SRRM4: variants seen among roughly 807,000 people sequenced by gnomAD.
SRRM4 encodes serine/arginine repetitive matrix 4.
A neutral mutation model predicts 68.9 loss-of-function variants in SRRM4; 33 were observed. The ratio of observed to expected loss-of-function variants is 0.48; its 90% CI spans 0.36 to 0.64. The LOEUF (loss-of-function observed/expected upper bound fraction) is 0.64. SRRM4 is among the 30% of genes least tolerant of loss of function. The pLI, the probability that SRRM4 is intolerant of heterozygous loss-of-function variation, is 0.00. For synonymous variants in SRRM4, 318 were observed against 318.8 expected, an observed-to-expected ratio of 1.00 and a Z score of 0.03; for missense variants, 817 against 827.1, an observed-to-expected ratio of 0.99 and a Z score of 0.15.
intron 8 of SRRM4, among the ~76,000 whole-genome samples, chr12:119,132,679 A>G (rs1444111336): frequency 6.6e-6 from 1 of 152,120 alleles, no homozygotes; most frequent in Non-Finnish European, 1.5e-5. Flanking sequence ...TTGAGGTGCA[A>G]TGCCTCACTG....
chr12:119,074,962 A>G (rs531071730), intron 1 of SRRM4, among the ~76,000 whole-genome samples: 1 of 152,288 alleles, frequency 6.6e-6, no homozygotes, highest in Admixed American at 6.5e-5. Context: ...TGGAAGAGAA[A>G]ATCTATGAGG....
chr12:119,118,056 C>T (rs1456004623), intron 4 of SRRM4, among the ~76,000 whole-genome samples: 1 of 152,154 alleles, frequency 6.6e-6, no homozygotes, highest in Non-Finnish European at 1.5e-5. Context: ...GTCAGAAGGT[C>T]TGTCTTCTCT....
At chr12:118,995,672 A>C (rs1953344528) in intron 1 of SRRM4, among the ~76,000 whole-genome samples, 1 of 152,196 alleles carries the variant, frequency 6.6e-6, no homozygotes, top group Non-Finnish European at 1.5e-5. Context: ...TGGGACTTCT[A>C]ACTGCAACGC....
At position 119,130,796 on chromosome 12, in the gene SRRM4, C is replaced by G. The variant is rs770735386; in HGVS notation, c.733C>G (p.Pro245Ala). The G allele has an allele frequency of 6.2e-7, 1 of 1,608,188 alleles. No individual in the cohort carries two copies. The highest frequency in any genetic ancestry group is 1.1e-5 in the South Asian group (1 of 90,908). Reference protein sequence around the residue: ...EAQSSRPPSQPLQMLGYLSAR... With the variant: ...EAQSSRPPSQALQMLGYLSAR... ...CCAGTCCAGTCGCCCGCCCAGTCAACCCCTCCAGATGCTTGGCTACCTGTC... is the reference window on the plus strand; with the variant it reads ...CCAGTCCAGTCGCCCGCCCAGTCAAGCCCTCCAGATGCTTGGCTACCTGTC... The change falls in exon 8 of 13, where the codon CCC becomes GCC. Residue 245 changes from proline (P) to alanine (A), a missense_variant. Coordinates refer to ENST00000267260, the MANE Select transcript of SRRM4 (RefSeq NM_194286.4).
At position 119,156,479 on chromosome 12, in the gene SRRM4, T is replaced by C. The variant is rs773816165; in HGVS notation, c.1533-16T>C. ...GAGGGGCCGGCCCTCATCCCTCCTCTCTCTGGTCTCTGCAGTGCCCGGAAA... is the reference window on the plus strand; with the variant it reads ...GAGGGGCCGGCCCTCATCCCTCCTCCCTCTGGTCTCTGCAGTGCCCGGAAA... On this transcript the variant is annotated splice_polypyrimidine_tract_variant and intron_variant, in intron 12 of 12. Coordinates refer to ENST00000267260, the MANE Select transcript of SRRM4 (RefSeq NM_194286.4). 5.7e-6 allele frequency: 9 copies of C among 1,579,242 alleles called. No individual in the cohort carries two copies. In the Admixed American group the frequency reaches 1.2e-4, roughly 21 times the overall value.
intron 1 of SRRM4, among the ~76,000 whole-genome samples, chr12:119,092,543 T>A (rs1427081418): frequency 6.6e-6 from 1 of 152,206 alleles, no homozygotes; most frequent in East Asian, 1.9e-4. Context: ...CCTTGGCCCC[T>A]CTCTTTCACA....
At chr12:119,127,808 C>T (rs1361410319) in intron 7 of SRRM4, among the ~76,000 whole-genome samples, 2 of 151,894 alleles carry the variant, frequency 1.3e-5, no homozygotes, top group Non-Finnish European at 2.9e-5. Flanking sequence ...AAAGAGGAGG[C>T]AGGAGAGGAA....
rs553792231 is a variant in SRRM4, at chr12:119,031,714, T to C, written c.131+49701T>C. 1.8e-4 allele frequency among the ~76,000 whole-genome samples: 27 copies of C among 152,308 alleles called. No homozygotes were observed. The South Asian group carries it at 3.3e-3, about 19-fold the overall frequency. ...TTTCAATTTGATAGGAAAACCATGA[T>C]ATCCTGTTTTTATTTGCATTTCTTT... On this transcript the variant is annotated intron_variant, in intron 1 of 12. Coordinates refer to ENST00000267260, the MANE Select transcript of SRRM4 (RefSeq NM_194286.4).
chr12:119,094,433 T>G (rs1395107940), intron 1 of SRRM4, among the ~76,000 whole-genome samples: 1 of 152,206 alleles, frequency 6.6e-6, no homozygotes, highest in Non-Finnish European at 1.5e-5. Context: ...CCCATGCACA[T>G]GAAGGCTTGA....
intron 1 of SRRM4, among the ~76,000 whole-genome samples, chr12:119,058,427 C>T (rs1592880610): frequency 6.6e-6 from 1 of 151,974 alleles, no homozygotes. Context: ...GGGAGTTGTC[C>T]CCATTTTACA....
Position 119,130,782 on chromosome 12 carries a change from G to A in SRRM4, c.719G>A (p.Arg240His), listed in dbSNP as rs780069693. 21 of 1,609,144 alleles carry A rather than the reference G, an allele frequency of 1.3e-5. No individual in the cohort carries two copies. Among genetic ancestry groups the A allele is most frequent in the East Asian group, 4.5e-5 (2 of 44,860 alleles). The part of the protein sequence containing the change: ...CKDSPEAQSS[R>H]PPSQPLQMLG... The stretch of plus-strand genomic sequence containing the variant: ...GACAGCCCTGAGGCCCAGTCCAGTC[G>A]CCCGCCCAGTCAACCCCTCCAGATG... The change falls in exon 8 of 13, where the codon CGC becomes CAC. Residue 240 changes from arginine (R) to histidine (H), a missense_variant. Arg to His is a conservative substitution (Grantham distance 29). Transcript: ENST00000267260.
chr12:119,084,235 GGGAAGAGAAC>G (rs1565904777), intron 1 of SRRM4, among the ~76,000 whole-genome samples: 11 of 152,230 alleles, frequency 7.2e-5, no homozygotes, highest in Middle Eastern at 3.4e-3. Context: ...AAGAGAGCAG[GGGAAGAGAAC>G]TCCTGAACAC....
intron 1 of SRRM4, among the ~76,000 whole-genome samples, chr12:118,986,324 G>A (rs1305452818): frequency 2.0e-5 from 3 of 152,126 alleles, no homozygotes; most frequent in Non-Finnish European, 2.9e-5. Context: ...GGAAGGGAGC[G>A]TTATTGTGTG....
intron 1 of SRRM4, among the ~76,000 whole-genome samples, chr12:119,055,126 T>A (rs1953768426): frequency 6.6e-6 from 1 of 152,278 alleles, no homozygotes; most frequent in Non-Finnish European, 1.5e-5. Context: ...AGAGAACGGA[T>A]GCTCAGCAGG....
intron 1 of SRRM4, among the ~76,000 whole-genome samples, chr12:119,049,853 C>T (rs1953731205): frequency 6.6e-6 from 1 of 152,184 alleles, no homozygotes; most frequent in Non-Finnish European, 1.5e-5. Flanking sequence ...TAACCTCCTA[C>T]TGGATTAGGG....
At chr12:119,062,073 C>T (rs1329855634) in intron 1 of SRRM4, among the ~76,000 whole-genome samples, 1 of 152,202 alleles carries the variant, frequency 6.6e-6, no homozygotes, top group Non-Finnish European at 1.5e-5. Flanking sequence ...TATGGTACAG[C>T]TTGCTGCACC....
At chr12:119,063,633 C>T (rs754170127) in intron 1 of SRRM4, among the ~76,000 whole-genome samples, 11 of 152,118 alleles carry the variant, frequency 7.2e-5, no homozygotes, top group Non-Finnish European at 1.6e-4. Flanking sequence ...TATTTTGTGC[C>T]TGGAAGAAGA....
chr12:119,031,410 A>G (rs1321421237), intron 1 of SRRM4: 1 of 152,182 alleles, frequency 6.6e-6, no homozygotes, highest in Non-Finnish European at 1.5e-5. Context: ...CCCTTGCCAT[A>G]TTCTATTGGT....
chr12:119,004,350 G>C (rs760714349), intron 1 of SRRM4, among the ~76,000 whole-genome samples: 9 of 151,996 alleles, frequency 5.9e-5, no homozygotes, highest in Non-Finnish European at 1.2e-4. Context: ...CTGATTCCTA[G>C]ACTTCACAGT....
Sources: allele counts gnomAD v4.1 joint callset (sites outside exome capture counted in the v4.1 genomes callset), GRCh38; gene constraint gnomAD v4.1.1; transcripts MANE v1.5; gene names NCBI Gene and HGNC (gene_info 2026-07-23, HGNC 2026-07-21).